AFG2A: variants seen among roughly 807,000 people sequenced by gnomAD.
AFG2A encodes the protein ATPase family gene 2 protein homolog A.
At chr4:123,087,739 C>T in the AFG2A span, among the ~76,000 whole-genome samples, 1 of 152,140 alleles carries the variant, frequency 6.6e-6, no homozygotes, top group South Asian at 2.1e-4. Flanking sequence ...TTGTGGGTTT[C>T]CGCTCCAGAA....
the AFG2A span, among the ~76,000 whole-genome samples, chr4:123,267,440 A>G: frequency 6.6e-6 from 1 of 152,034 alleles, no homozygotes; most frequent in Non-Finnish European, 1.5e-5. Context: ...AAAGAACTTT[A>G]GGTATAGTAA....
the AFG2A span, among the ~76,000 whole-genome samples, chr4:123,220,435 C>A: frequency 1.3e-5 from 2 of 151,390 alleles, no homozygotes; most frequent in Admixed American, 6.6e-5. Context: ...TGTGGTGAAA[C>A]CCTGCCTCTA....
the AFG2A span, among the ~76,000 whole-genome samples, chr4:123,054,562 CA>C: frequency 2.6e-5 from 4 of 151,864 alleles, no homozygotes; most frequent in Non-Finnish European, 5.9e-5. Context: ...ACTAAAAGTA[CA>C]AAAAATTAGC....
chr4:123,207,329 C>T, the AFG2A span, among the ~76,000 whole-genome samples: 3 of 120,642 alleles, frequency 2.5e-5, no homozygotes, highest in South Asian at 5.1e-4. Context: ...CTAGCTCTGT[C>T]GTCTGGGGTG....
chr4:123,185,306 A>G, the AFG2A span, among the ~76,000 whole-genome samples: 27 of 151,948 alleles, frequency 1.8e-4, no homozygotes, highest in South Asian at 6.3e-4. Context: ...TTTATTATCT[A>G]TCTAGTATTC....
the AFG2A span, among the ~76,000 whole-genome samples, chr4:123,056,174 C>T: frequency 6.6e-6 from 1 of 152,138 alleles, no homozygotes; most frequent in Admixed American, 6.6e-5. Context: ...TTAGTCACAG[C>T]CTTTCCTTTG....
At chr4:123,239,174 G>A in the AFG2A span, among the ~76,000 whole-genome samples, 1 of 152,092 alleles carries the variant, frequency 6.6e-6, no homozygotes, top group African/African-American at 2.4e-5. Context: ...AAGAAATATG[G>A]GACTATGTGA....
the AFG2A span, among the ~76,000 whole-genome samples, chr4:123,297,293 T>C: frequency 6.6e-6 from 1 of 152,228 alleles, no homozygotes; most frequent in Non-Finnish European, 1.5e-5. Context: ...TTCATAATCA[T>C]TTTCAAAGAA....
the AFG2A span, among the ~76,000 whole-genome samples, chr4:123,204,381 C>T: frequency 1.3e-5 from 2 of 152,154 alleles, no homozygotes; most frequent in Non-Finnish European, 2.9e-5. Flanking sequence ...CTCTACATCC[C>T]TGCCAGCATT....
chr4:123,299,102 T>G, the AFG2A span, among the ~76,000 whole-genome samples: 5 of 144,836 alleles, frequency 3.5e-5, no homozygotes, highest in East Asian at 8.2e-4. Flanking sequence ...CTTGTGAATT[T>G]ATATGCATCT....
chr4:122,972,017 A>C, the AFG2A span, among the ~76,000 whole-genome samples: 1 of 152,120 alleles, frequency 6.6e-6, no homozygotes, highest in African/African-American at 2.4e-5. Context: ...GAGCAAGATT[A>C]TGCTACCCTT....
At chr4:123,225,284 A>C in the AFG2A span, among the ~76,000 whole-genome samples, 1 of 152,098 alleles carries the variant, frequency 6.6e-6, no homozygotes, top group African/African-American at 2.4e-5. Flanking sequence ...AAGTTCTTGC[A>C]CATGCCTATG....
the AFG2A span, among the ~76,000 whole-genome samples, chr4:123,138,391 T>TTTTTTTTGAGTGTTTTACACTCA: frequency 6.6e-6 from 1 of 152,212 alleles, no homozygotes; most frequent in Non-Finnish European, 1.5e-5. Flanking sequence ...GTATGACTTC[T>TTTTTTTTGAGTGTTTTACACTCA]AAATTTACAC....
the AFG2A span, among the ~76,000 whole-genome samples, chr4:122,923,546 AT>A: frequency 2.0e-5 from 3 of 152,192 alleles, no homozygotes; most frequent in Admixed American, 2.0e-4. Flanking sequence ...TTTGTAAATT[AT>A]TTTGAATTTT....
chr4:122,973,603 T>C, the AFG2A span, among the ~76,000 whole-genome samples: 2 of 152,226 alleles, frequency 1.3e-5, no homozygotes, highest in African/African-American at 4.8e-5. Context: ...TAGGGGCTAG[T>C]ATGCATTGCA....
At chr4:122,968,959 G>A in the AFG2A span, among the ~76,000 whole-genome samples, 1 of 151,606 alleles carries the variant, frequency 6.6e-6, no homozygotes, top group Non-Finnish European at 1.5e-5. Flanking sequence ...TTTTTCTGTA[G>A]GGTTACTTTT....
At chr4:123,217,369 C>T in the AFG2A span, among the ~76,000 whole-genome samples, 1 of 152,280 alleles carries the variant, frequency 6.6e-6, no homozygotes, top group South Asian at 2.1e-4. Flanking sequence ...GAGAAGTTAG[C>T]ATGATGATCT....
chr4:123,133,573 G>A, the AFG2A span, among the ~76,000 whole-genome samples: 3 of 152,060 alleles, frequency 2.0e-5, no homozygotes, highest in Non-Finnish European at 2.9e-5. Flanking sequence ...TGACACAGGT[G>A]ACTTCATTTT....
the AFG2A span, among the ~76,000 whole-genome samples, chr4:123,095,046 T>A: frequency 0.54 from 42,381 of 78,112 alleles, 12,063 homozygotes; most frequent in East Asian, 0.9. Context: ...AAAAAAAATA[T>A]ATATATATAT....
Sources: allele counts gnomAD v4.1 joint callset (sites outside exome capture counted in the v4.1 genomes callset), GRCh38; gene constraint gnomAD v4.1.1; transcripts MANE v1.5; gene names NCBI Gene and HGNC (gene_info 2026-07-23, HGNC 2026-07-21).